The following XXYLT1 variants were observed in gnomAD, a reference collection of about 807,000 sequenced individuals.
The protein encoded by XXYLT1 is UDP-xylose:alpha-xyloside alpha-1,3-xylosyltransferase.
A neutral mutation model predicts 28.9 loss-of-function variants in XXYLT1; 20 were observed. The observed-to-expected ratio is 0.69, with a 90% CI of 0.49 to 1.00. XXYLT1 has a LOEUF of 1.00. Among genes scored for constraint, XXYLT1 ranks in the 50% least tolerant of loss-of-function variants. XXYLT1 has a pLI of 0.00. For missense variants in XXYLT1, 542 were observed against 560.1 expected, an observed-to-expected ratio of 0.97 and a Z score of 0.33; for synonymous variants, 257 against 253.8, an observed-to-expected ratio of 1.01 and a Z score of -0.12.
intron 2 of XXYLT1, chr3:195,207,440 C>T (rs1390781586): frequency 6.6e-6 from 3 of 456,084 alleles, no homozygotes; most frequent in African/African-American, 4.0e-5. Flanking sequence ...AAAGTGGGAC[C>T]GACAGACAGG....
At chr3:195,166,016 T>G (rs1721100796) in intron 2 of XXYLT1, among the ~76,000 whole-genome samples, 1 of 152,134 alleles carries the variant, frequency 6.6e-6, no homozygotes. Context: ...CCTCCTGTTA[T>G]GAGTCTGATA....
At chr3:195,200,282 C>T (rs868597424) in intron 2 of XXYLT1, among the ~76,000 whole-genome samples, 60 of 152,368 alleles carry the variant, frequency 3.9e-4, no homozygotes, top group African/African-American at 1.2e-3. Context: ...TGAACTCCAG[C>T]TCTAACCAGC....
At chr3:195,134,971 T>C (rs947536687) in intron 3 of XXYLT1, among the ~76,000 whole-genome samples, 1 of 152,222 alleles carries the variant, frequency 6.6e-6, no homozygotes, top group African/African-American at 2.4e-5. Flanking sequence ...TGAAGGACTT[T>C]TGTGGGGAAA....
At chr3:195,246,277 A>C (rs544389647) in intron 1 of XXYLT1, among the ~76,000 whole-genome samples, 1 of 152,370 alleles carries the variant, frequency 6.6e-6, no homozygotes, top group South Asian at 2.1e-4. Flanking sequence ...GGAAGAAAGA[A>C]GACCTGCGCA....
At position 195,133,093 on chromosome 3, in the gene XXYLT1, T is replaced by G. The variant is rs1718984937; in HGVS notation, c.785+23356A>C. The stretch of plus-strand genomic sequence containing the variant: ...GCTTGGGGTGGAGGTGGTGGGCAAG[T>G]GTAAGCACCAGCATGGTCTCAGGGA... On this transcript the variant is annotated intron_variant, in intron 3 of 3. Coordinates refer to ENST00000310380, the MANE Select transcript of XXYLT1 (RefSeq NM_152531.5). The surrounding 1 kb of genome is among the most constrained non-coding windows in gnomAD (Gnocchi z 4.4). Among the ~76,000 whole-genome samples, 1 of 152,016 alleles carries G rather than the reference T, an allele frequency of 6.6e-6. No homozygotes were observed. The highest frequency in any genetic ancestry group is 1.5e-5 in the Non-Finnish European group (1 of 68,010).
chr3:195,132,383 C>T (rs1445154472), intron 3 of XXYLT1, among the ~76,000 whole-genome samples: 1 of 151,830 alleles, frequency 6.6e-6, no homozygotes, highest in Non-Finnish European at 1.5e-5. Flanking sequence ...AGGAGGATCA[C>T]TTGAGCCTGG....
chr3:195,180,764 G>A lies in XXYLT1; in HGVS notation c.653-24183C>T, dbSNP rs1006875760. The stretch of plus-strand genomic sequence containing the variant: ...CCTGCAAGCACACACCTGCTCGCCA[G>A]GAGCAAGGGCAGCGCCGGCCCTCCT... On this transcript the variant is annotated intron_variant, in intron 2 of 3. Transcript: ENST00000310380. The surrounding 1 kb of genome is among the most constrained non-coding windows in gnomAD (Gnocchi z 5.8). 2.6e-5 allele frequency among the ~76,000 whole-genome samples: 4 copies of A among 152,226 alleles called. No individual in the cohort carries two copies. Among genetic ancestry groups the A allele is most frequent in the African/African-American group, 4.8e-5 (2 of 41,464 alleles).
chr3:195,266,698 CCAG>C (rs1390195438), intron 1 of XXYLT1, among the ~76,000 whole-genome samples: 3 of 152,128 alleles, frequency 2.0e-5, no homozygotes, highest in Non-Finnish European at 4.4e-5. Context: ...GTCTTAGAGA[CCAG>C]CAGGAGAGCA....
At chr3:195,093,002 A>AACCATCTCACACCAG (rs1237429659) in intron 3 of XXYLT1, among the ~76,000 whole-genome samples, 1 of 102,286 alleles carries the variant, frequency 9.8e-6, no homozygotes, top group Non-Finnish European at 1.8e-5. Flanking sequence ...ACCAGTTAGA[A>AACCATCTCACACCAG]TGGCAATCAT....
At chr3:195,207,139 G>A (rs889544037) in intron 2 of XXYLT1, among the ~76,000 whole-genome samples, 9 of 152,296 alleles carry the variant, frequency 5.9e-5, no homozygotes, top group African/African-American at 2.2e-4. Flanking sequence ...GAGCTGCCCC[G>A]GGCAGACTGT....
chr3:195,094,590 A>C (rs1006823656), intron 3 of XXYLT1: 2 of 153,938 alleles, frequency 1.3e-5, no homozygotes, highest in Non-Finnish European at 2.9e-5. Flanking sequence ...AAGCCCCCTC[A>C]GCGGGGATTC....
chr3:195,196,123 G>T (rs1276325982), intron 2 of XXYLT1, among the ~76,000 whole-genome samples: 6 of 152,226 alleles, frequency 3.9e-5, no homozygotes, highest in African/African-American at 1.4e-4. Context: ...CTCCGCACCC[G>T]CACTGTCCAA....
rs963352133 is a variant in XXYLT1 at position 195,240,101 on chromosome 3, G to A, written c.505-13245C>T. Among the ~76,000 whole-genome samples the A allele has an allele frequency of 2.0e-5, 3 of 152,126 alleles. No individual in the cohort carries two copies. The highest frequency in any genetic ancestry group is 4.4e-5 in the Non-Finnish European group (3 of 68,024). ...AGTAATGACTGAGCTTTCTTTTCAG[G>A]CAAAGGTGTCCTCAAACAGTACTTT... On this transcript the variant is annotated intron_variant, in intron 1 of 3. Coordinates refer to ENST00000310380, the MANE Select transcript of XXYLT1 (RefSeq NM_152531.5). The surrounding 1 kb of genome is among the most constrained non-coding windows in gnomAD (Gnocchi z 4.7).
intron 2 of XXYLT1, among the ~76,000 whole-genome samples, chr3:195,222,026 C>G (rs148062702): frequency 2.0e-5 from 3 of 152,150 alleles, no homozygotes; most frequent in Non-Finnish European, 4.4e-5. Flanking sequence ...TGGTTCTGGG[C>G]GCTCCTGCTC....
chr3:195,086,848 C>T (rs532186991), intron 3 of XXYLT1, among the ~76,000 whole-genome samples: 3 of 152,184 alleles, frequency 2.0e-5, no homozygotes, highest in East Asian at 1.9e-4. Flanking sequence ...CAAAGAGCTC[C>T]GGGTCCTGGC....
chr3:195,253,314 G>GA (rs2108843170), intron 1 of XXYLT1, among the ~76,000 whole-genome samples: 1 of 152,214 alleles, frequency 6.6e-6, no homozygotes, highest in Admixed American at 6.5e-5. Context: ...AAAAGGCTGA[G>GA]AAGTCAACAG....
chr3:195,217,037 T>C (rs1473051167), intron 2 of XXYLT1, among the ~76,000 whole-genome samples: 2 of 136,090 alleles, frequency 1.5e-5, no homozygotes, highest in Admixed American at 1.4e-4. Context: ...TAATCCAGCA[T>C]GTAAACAGAG....
At chr3:195,088,710 AG>A (rs1158836261) in intron 3 of XXYLT1, among the ~76,000 whole-genome samples, 1 of 142,220 alleles carries the variant, frequency 7.0e-6, no homozygotes, top group African/African-American at 2.6e-5. Context: ...AGAAGGCTTC[AG>A]ACGATCAAAT....
At chr3:195,156,145 C>T (rs914199999) in intron 3 of XXYLT1, among the ~76,000 whole-genome samples, 5 of 152,164 alleles carry the variant, frequency 3.3e-5, no homozygotes, top group African/African-American at 9.7e-5. Context: ...AATCTTCCTC[C>T]GTAAGGCAAA....
Sources: allele counts gnomAD v4.1 joint callset (sites outside exome capture counted in the v4.1 genomes callset), GRCh38; gene constraint gnomAD v4.1.1; non-coding constraint Gnocchi (gnomAD v3.1); transcripts MANE v1.5; gene names NCBI Gene and HGNC (gene_info 2026-07-23, HGNC 2026-07-21).